Variants in MALRD1 observed in about 807,000 individuals in gnomAD.
The protein encoded by MALRD1 is MAM and LDL-receptor class A domain-containing protein 1.
Under a neutral mutation model 242.1 loss-of-function variants are expected in MALRD1, and 247 were observed. The observed-to-expected ratio is 1.02, with a 90% CI of 0.92 to 1.13. The LOEUF is 1.13. Among genes scored for constraint, MALRD1 ranks in the 50% most tolerant of loss-of-function variants. MALRD1 has a pLI of 0.00. For synonymous variants in MALRD1, 995 were observed against 866.6 expected (o/e 1.15, Z -2.60); for missense variants, 2,989 against 2,533.1 (o/e 1.18, Z -3.86).
intron 25 of MALRD1, among the ~76,000 whole-genome samples, chr10:19,349,081 A>G (rs1844253417): frequency 6.6e-6 from 1 of 151,982 alleles, no homozygotes; most frequent in Non-Finnish European, 1.5e-5. Flanking sequence ...CCTGCCTCAG[A>G]TGCCTAAGGA....
intron 38 of MALRD1, among the ~76,000 whole-genome samples, chr10:19,720,797 AAC>A (rs1214909646): frequency 6.6e-6 from 1 of 152,202 alleles, no homozygotes; most frequent in Non-Finnish European, 1.5e-5. Flanking sequence ...TCCTTGAAAA[AAC>A]AGTCTGTTCA....
chr10:19,500,639 G>A (rs1325023079), intron 31 of MALRD1, among the ~76,000 whole-genome samples: 1 of 152,172 alleles, frequency 6.6e-6, no homozygotes, highest in East Asian at 1.9e-4. Context: ...TGACATAGAA[G>A]TCAACTTTTA....
chr10:19,061,396 C>G (rs544719673), intron 1 of MALRD1, among the ~76,000 whole-genome samples: 43 of 152,144 alleles, frequency 2.8e-4, no homozygotes, highest in African/African-American at 1.0e-3. Flanking sequence ...GTCAAAATTT[C>G]AATAATTTTT....
chr10:19,433,906 G>A (rs939714869), intron 28 of MALRD1, among the ~76,000 whole-genome samples: 5 of 151,782 alleles, frequency 3.3e-5, no homozygotes, highest in African/African-American at 1.2e-4. Context: ...ACACACACAG[G>A]GATATTTATA....
rs1224587674 is a variant in MALRD1 at position 19,452,412 on chromosome 10, A to G, written c.5029+1922A>G. Among the ~76,000 whole-genome samples, 4 of 152,190 alleles carry G rather than the reference A, an allele frequency of 2.6e-5. No homozygotes were observed. In the East Asian group the frequency reaches 7.7e-4, roughly 29 times the overall value. On this transcript the variant is annotated intron_variant, in intron 29 of 39. Transcript: ENST00000454679. ...ATACTTTAATATCTTACGTTTAGTG[A>G]TCAACTGCTTTTAGGCCTATAGTTC... is the stretch of plus-strand genomic sequence containing the variant.
intron 21 of MALRD1, among the ~76,000 whole-genome samples, chr10:19,317,247 T>A (rs1002699835): frequency 1.3e-5 from 2 of 151,860 alleles, no homozygotes; most frequent in African/African-American, 4.8e-5. Flanking sequence ...AGGTTTCTTA[T>A]TTGCAGATAG....
At chr10:19,258,645 G>T (rs556823519) in intron 19 of MALRD1, among the ~76,000 whole-genome samples, 1 of 152,152 alleles carries the variant, frequency 6.6e-6, no homozygotes, top group South Asian at 2.1e-4. Context: ...AGTCTTTTCA[G>T]TTGTAGCTAT....
intron 28 of MALRD1, among the ~76,000 whole-genome samples, chr10:19,444,405 G>A (rs547472312): frequency 1.8e-4 from 27 of 152,234 alleles, no homozygotes; most frequent in African/African-American, 6.3e-4. Flanking sequence ...TCCTAGCATC[G>A]ATGGTCTTTA....
chr10:19,595,557 C>G, intron 34 of MALRD1, 100 bp downstream of exon 34: 2 of 1,287,094 alleles, frequency 1.6e-6, no homozygotes, highest in Non-Finnish European at 2.1e-6. Context: ...AGAGCCTTAC[C>G]GTGATTGTAT....
At chr10:19,294,559 T>C (rs1024001992) in intron 21 of MALRD1, among the ~76,000 whole-genome samples, 10 of 152,170 alleles carry the variant, frequency 6.6e-5, no homozygotes, top group African/African-American at 2.4e-4. Flanking sequence ...CAGAAAACTG[T>C]AAGTAGATGT....
intron 31 of MALRD1, among the ~76,000 whole-genome samples, chr10:19,503,170 A>G (rs1157093933): frequency 6.6e-6 from 1 of 152,218 alleles, no homozygotes; most frequent in Non-Finnish European, 1.5e-5. Flanking sequence ...ATCATTCTTG[A>G]TACACTAATA....
chr10:19,334,533 C>G (rs1843522274), intron 24 of MALRD1, among the ~76,000 whole-genome samples: 1 of 151,734 alleles, frequency 6.6e-6, no homozygotes, highest in Non-Finnish European at 1.5e-5. Flanking sequence ...CACTGTACCC[C>G]ATAAATATGA....
At chr10:19,258,629 G>C (rs373706376) in intron 19 of MALRD1, among the ~76,000 whole-genome samples, 1 of 152,180 alleles carries the variant, frequency 6.6e-6, no homozygotes, top group African/African-American at 2.4e-5. Context: ...TGATGGGGCT[G>C]ATTCCAGTCT....
intron 2 of MALRD1, among the ~76,000 whole-genome samples, chr10:19,085,722 A>G (rs766626184): frequency 8.6e-5 from 13 of 151,992 alleles, no homozygotes; most frequent in Non-Finnish European, 7.4e-5. Flanking sequence ...TCACTGAAAA[A>G]TGCTACTTTT....
intron 13 of MALRD1, among the ~76,000 whole-genome samples, chr10:19,171,458 ACACACATG>A (rs1230818647): frequency 1.8e-3 from 112 of 60,976 alleles, no homozygotes; most frequent in Middle Eastern, 0.01. Flanking sequence ...ATATATATAT[ACACACATG>A]TATATACACA....
intron 28 of MALRD1, 87 bp from the exon 29 acceptor site, chr10:19,450,220 T>C (rs1415703669): frequency 8.9e-7 from 1 of 1,123,532 alleles, no homozygotes; most frequent in Non-Finnish European, 1.2e-6. Flanking sequence ...CAAATGCTTC[T>C]GAGATAAATA....
At chr10:19,328,500 A>G (rs1588917720) in intron 23 of MALRD1, among the ~76,000 whole-genome samples, 1 of 152,136 alleles carries the variant, frequency 6.6e-6, no homozygotes, top group East Asian at 1.9e-4. Context: ...TTCTTGTTAA[A>G]TATTGCATTT....
chr10:19,112,320 G>A (rs1836705683), intron 5 of MALRD1, among the ~76,000 whole-genome samples: 1 of 151,958 alleles, frequency 6.6e-6, no homozygotes, highest in Non-Finnish European at 1.5e-5. Context: ...TGGTGGTTGG[G>A]GCAGGGGTGG....
At chr10:19,380,771 T>C (rs1204384514) in intron 26 of MALRD1, among the ~76,000 whole-genome samples, 1 of 152,190 alleles carries the variant, frequency 6.6e-6, no homozygotes, top group East Asian at 1.9e-4. Flanking sequence ...ACATAAAAAT[T>C]TGGCATTATT....
Sources: gnomAD v4.1 joint callset for allele counts (sites outside exome capture counted in the v4.1 genomes callset) on GRCh38, gnomAD v4.1.1 for gene constraint, MANE v1.5 for transcripts, NCBI Gene and HGNC (gene_info 2026-07-23, HGNC 2026-07-21) for gene names.